The following ATP11A variants were observed in gnomAD, a reference collection of about 807,000 sequenced individuals.
The protein encoded by ATP11A is ATPase phospholipid transporting 11A, also known as phospholipid-transporting ATPase IH.
ATP11A carries 81 observed loss-of-function variants against 154.4 expected under a neutral mutation model. The observed-to-expected ratio is 0.52, with a 90% CI of 0.44 to 0.63. The LOEUF is 0.63. Among genes scored for constraint, ATP11A ranks in the 30% least tolerant of loss-of-function variants. The probability of loss-of-function intolerance (pLI) is 0.00; values close to 1 mark genes in which losing one functional copy is unlikely to be tolerated. For synonymous variants in ATP11A, 623 were observed against 585.9 expected (o/e 1.06, Z -0.91); for missense variants, 1,316 against 1,474.3 (o/e 0.89, Z 1.76).
At position 112,765,109 on chromosome 13, in the gene ATP11A, C is replaced by T. The variant is rs114568302; in HGVS notation, c.40-20026C>T. On this transcript the variant is annotated intron_variant, in intron 1 of 29. Coordinates refer to ENST00000375645, the MANE Select transcript of ATP11A (RefSeq NM_015205.3). ...TTCAGTGAGATGGGGTGAGTGCTTCCCAGCCAGCAAAGTGCGTTGACAGTG... is the reference window on the plus strand; with the variant it reads ...TTCAGTGAGATGGGGTGAGTGCTTCTCAGCCAGCAAAGTGCGTTGACAGTG... 7.9e-3 allele frequency among the ~76,000 whole-genome samples: 1,202 copies of T among 152,242 alleles called. 14 individuals are homozygous for T. Among genetic ancestry groups the T allele is most frequent in the African/African-American group, 0.027 (1,138 of 41,524 alleles).
intron 2 of ATP11A, among the ~76,000 whole-genome samples, chr13:112,790,042 C>A (rs1398622843): frequency 7.5e-5 from 10 of 133,542 alleles, no homozygotes; most frequent in East Asian, 5.0e-4. Context: ...ACCCCTGTGG[C>A]GACCTACTTA....
In ATP11A at chr13:112,882,558, G is replaced by A; in HGVS notation, c.*692G>A. 2.4e-6 allele frequency: 1 copy of A among 413,156 alleles called. No individual in the cohort carries two copies. The highest frequency in any genetic ancestry group is 4.2e-6 in the Non-Finnish European group (1 of 235,908). 25.6% of individuals were successfully genotyped at this position (413,156 alleles called of 1,614,324 possible). A position where few individuals can be genotyped will look rare whatever the true frequency, so the allele number is the denominator to read the frequency against. ...TGCACCGCCGTACCCTGCTCATCTG[G>A]GAGTGGTTTCCCTGCGGTTACGTCC... On this transcript the variant is annotated 3_prime_UTR_variant, in exon 30 of 30. Transcript: ENST00000375645. The surrounding 1 kb of genome is among the most constrained non-coding windows in gnomAD (Gnocchi z 5.1).
At position 112,810,069 on chromosome 13, in the gene ATP11A, G is replaced by A. The variant is rs115700859; in HGVS notation, c.334-550G>A. ...GCACAGAGAGCCTTAAGGCTGCTGC[G>A]GGTGTCACAGAGTGAGCCGGCGTTT... On this transcript the variant is annotated intron_variant, in intron 4 of 29. Coordinates refer to ENST00000375645, the MANE Select transcript of ATP11A (RefSeq NM_015205.3). 6.7e-3 allele frequency among the ~76,000 whole-genome samples: 1,021 copies of A among 152,322 alleles called. 19 individuals are homozygous for A. The highest frequency in any genetic ancestry group is 0.023 in the African/African-American group (967 of 41,570).
rs1028932115 is a variant in ATP11A, at chr13:112,692,151, G to A, written c.39+1696G>A. 1.2e-4 allele frequency among the ~76,000 whole-genome samples: 18 copies of A among 152,288 alleles called. No individual in the cohort carries two copies. The East Asian group carries it at 3.5e-3, about 29-fold the overall frequency. On this transcript the variant is annotated intron_variant, in intron 1 of 29. Transcript: ENST00000375645. Reference sequence around the variant, plus strand: ...GGAAGCTTCTGTTCTCAGTTGTGTCGCTCAGAAGTGTGGGTCCCTAGACAC... The same window carrying A: ...GGAAGCTTCTGTTCTCAGTTGTGTCACTCAGAAGTGTGGGTCCCTAGACAC...
intron 1 of ATP11A, among the ~76,000 whole-genome samples, chr13:112,722,807 T>A (rs1304015894): frequency 2.0e-5 from 3 of 152,190 alleles, no homozygotes; most frequent in Non-Finnish European, 4.4e-5. Flanking sequence ...GCTGGTTGGA[T>A]GTTACACATT....
chr13:112,860,471 T>C, intron 24 of ATP11A, 57 bp downstream of exon 24: 1 of 1,599,328 alleles, frequency 6.3e-7, no homozygotes, highest in African/African-American at 1.3e-5. Context: ...GGCAGCACTC[T>C]GGCAGTTCCT....
chr13:112,693,647 G>A (rs747616305), intron 1 of ATP11A, among the ~76,000 whole-genome samples: 2 of 152,012 alleles, frequency 1.3e-5, no homozygotes, highest in African/African-American at 2.4e-5. Context: ...CCTCCATGAC[G>A]TAACACTTTA....
intron 29 of ATP11A, among the ~76,000 whole-genome samples, chr13:112,879,810 G>T (rs2080832181): frequency 6.6e-6 from 1 of 152,246 alleles, no homozygotes; most frequent in Admixed American, 6.5e-5. Flanking sequence ...ACTTCCAGTG[G>T]ATGGCTTTCT....
At chr13:112,848,446 G>T (rs540735262) in intron 17 of ATP11A, among the ~76,000 whole-genome samples, 1 of 152,246 alleles carries the variant, frequency 6.6e-6, no homozygotes, top group South Asian at 2.1e-4. Context: ...AATTCAGTTA[G>T]TGGGGAGCAC....
At chr13:112,705,119 A>G (rs1205192945) in intron 1 of ATP11A, among the ~76,000 whole-genome samples, 1 of 152,260 alleles carries the variant, frequency 6.6e-6, no homozygotes, top group Non-Finnish European at 1.5e-5. Flanking sequence ...ACCATCAAGT[A>G]TACACGTGCT....
At chr13:112,832,026 ACACT>A (rs1470049669) in intron 13 of ATP11A, among the ~76,000 whole-genome samples, 1 of 151,806 alleles carries the variant, frequency 6.6e-6, no homozygotes, top group African/African-American at 2.4e-5. Context: ...ACATGCAGAC[ACACT>A]CTCACACACT....
intron 29 of ATP11A, chr13:112,880,528 T>C (rs2080853711): frequency 1.5e-6 from 2 of 1,295,538 alleles, no homozygotes; most frequent in Non-Finnish European, 2.0e-6. Context: ...TCGCTCAGTA[T>C]CTTTCCTCGC....
chr13:112,741,033 T>A (rs1019296477), intron 1 of ATP11A, among the ~76,000 whole-genome samples: 4 of 152,264 alleles, frequency 2.6e-5, no homozygotes, highest in Non-Finnish European at 4.4e-5. Flanking sequence ...CTGAATCACT[T>A]ACATGGGCCT....
chr13:112,729,569 G>A (rs1186815441), intron 1 of ATP11A, among the ~76,000 whole-genome samples: 1 of 151,858 alleles, frequency 6.6e-6, no homozygotes, highest in Non-Finnish European at 1.5e-5. Flanking sequence ...ACTCATCCGA[G>A]TGTGAACAAT....
chr13:112,836,877 C>A (rs2079250253), intron 16 of ATP11A, among the ~76,000 whole-genome samples: 1 of 152,222 alleles, frequency 6.6e-6, no homozygotes, highest in Non-Finnish European at 1.5e-5. Context: ...GTGGCTGCCC[C>A]TGTCCCTGAC....
At chr13:112,844,143 G>A (rs760337659) in intron 17 of ATP11A, among the ~76,000 whole-genome samples, 7 of 152,138 alleles carry the variant, frequency 4.6e-5, no homozygotes, top group Non-Finnish European at 1.0e-4. Context: ...TGACGTGGTC[G>A]CCGTGCCATG....
intron 2 of ATP11A, among the ~76,000 whole-genome samples, chr13:112,791,949 C>T (rs963547225): frequency 3.9e-5 from 6 of 152,168 alleles, no homozygotes; most frequent in African/African-American, 9.7e-5. Context: ...CTCTCAGGAG[C>T]GCCGTCTGCG....
intron 1 of ATP11A, among the ~76,000 whole-genome samples, chr13:112,741,886 A>G (rs1244965792): frequency 1.3e-5 from 2 of 152,044 alleles, no homozygotes; most frequent in East Asian, 1.9e-4. Flanking sequence ...TCTTCCCCCA[A>G]AGATTGCTCC....
intron 1 of ATP11A, chr13:112,703,293 C>G (rs953619812): frequency 6.6e-5 from 10 of 152,222 alleles, no homozygotes; most frequent in African/African-American, 2.4e-4. Context: ...CTCGTAACCA[C>G]ACACCAATCC....
Sources: allele counts gnomAD v4.1 joint callset (sites outside exome capture counted in the v4.1 genomes callset), GRCh38; gene constraint gnomAD v4.1.1; non-coding constraint Gnocchi (gnomAD v3.1); transcripts MANE v1.5; gene names NCBI Gene and HGNC (gene_info 2026-07-23, HGNC 2026-07-21).